The following PPP2R2D variants were observed in gnomAD, a reference collection of about 807,000 sequenced individuals.
PPP2R2D encodes the protein serine/threonine-protein phosphatase 2A 55 kDa regulatory subunit B delta isoform.
In PPP2R2D, 9 loss-of-function variants were observed where a neutral mutation model predicts 31.1. That is an observed-to-expected ratio of 0.29 (90% confidence interval 0.17 to 0.51). The LOEUF (loss-of-function observed/expected upper bound fraction) is 0.51, where lower values mean the gene tolerates loss of function less well. PPP2R2D is among the 20% of genes least tolerant of loss of function. The pLI is 0.98. For synonymous variants in PPP2R2D, 179 were observed against 172.6 expected (o/e 1.04, Z -0.29); for missense variants, 391 against 465.6 (o/e 0.84, Z 1.48).
intron 3 of PPP2R2D, among the ~76,000 whole-genome samples, chr10:131,937,181 A>T (rs542207845): frequency 6.6e-5 from 10 of 152,348 alleles, no homozygotes; most frequent in Admixed American, 5.9e-4. Context: ...TCAGGTCCAT[A>T]GAGGCCCGTT....
At chr10:131,966,368 AAAG>A in the PPP2R2D span, 12 of 152,230 alleles carry the variant, frequency 7.9e-5, no homozygotes, top group South Asian at 2.1e-4. Context: ...CCACTGTAGA[AAAG>A]AAGGGTTATT....
chr10:131,945,501 CCAGGCTGCGGTG>C lies in PPP2R2D; in HGVS notation c.820+46_820+57del, dbSNP rs782105927. 6.4e-7 allele frequency: 1 copy of C among 1,560,012 alleles called. No individual in the cohort carries two copies. The highest frequency in any genetic ancestry group is 8.7e-7 in the Non-Finnish European group (1 of 1,147,636). On this transcript the variant is annotated intron_variant, in intron 7 of 8. Coordinates refer to ENST00000455566, the MANE Select transcript of PPP2R2D (RefSeq NM_018461.5). The surrounding 1 kb of genome is among the most constrained non-coding windows in gnomAD (Gnocchi z 4.8). Reference sequence around the variant, plus strand: ...TTGAGATGGAGTCTGGCTCTGTCACCCAGGCTGCGGTGCAGTGACACAGTCTCGGCTCACGGC... The same window carrying C: ...TTGAGATGGAGTCTGGCTCTGTCACCCAGTGACACAGTCTCGGCTCACGGC...
At chr10:131,912,563 G>A (rs1195612051) in intron 2 of PPP2R2D, 2 of 152,248 alleles carry the variant, frequency 1.3e-5, no homozygotes, top group African/African-American at 2.4e-5. Context: ...AGCCATACTC[G>A]AGCTCATTTG....
At position 131,947,876 on chromosome 10, in the gene PPP2R2D, C is replaced by T. The variant is rs2036571125; in HGVS notation, c.1082+85C>T. 1 of 1,536,298 alleles carries T rather than the reference C, an allele frequency of 6.5e-7. No homozygotes were observed. The highest frequency in any genetic ancestry group is 8.9e-7 in the Non-Finnish European group (1 of 1,128,252). ...GTCAGTGAGGGAGGCGAGCTGTCCT[C>T]CAGCGTCAGAGGAGGACGCTCATAG... is the stretch of plus-strand genomic sequence containing the variant. On this transcript the variant is annotated intron_variant, in intron 8 of 8. Coordinates refer to ENST00000455566, the MANE Select transcript of PPP2R2D (RefSeq NM_018461.5). The surrounding 1 kb of genome is among the most constrained non-coding windows in gnomAD (Gnocchi z 4.3).
chr10:131,920,063 A>T (rs1429108222), intron 2 of PPP2R2D, among the ~76,000 whole-genome samples: 5 of 150,340 alleles, frequency 3.3e-5, no homozygotes, highest in African/African-American at 1.2e-4. Context: ...GGGTGGAATG[A>T]CACAGTGTTT....
In PPP2R2D at chr10:131,945,518, GAC is replaced by G. The variant is rs1221221713; in HGVS notation, c.820+63_820+64del. 12 of 1,539,322 alleles carry G rather than the reference GAC, an allele frequency of 7.8e-6. No homozygotes were observed. Among genetic ancestry groups the G allele is most frequent in the African/African-American group, 5.4e-5 (4 of 73,524 alleles). ...TCTGTCACCCAGGCTGCGGTGCAGTGACACAGTCTCGGCTCACGGCAAGCTCC... is the reference window on the plus strand; with the variant it reads ...TCTGTCACCCAGGCTGCGGTGCAGTGACAGTCTCGGCTCACGGCAAGCTCC... On this transcript the variant is annotated intron_variant, in intron 7 of 8. Transcript: ENST00000455566. This position sits in a 1 kb window ranked among gnomAD's most constrained non-coding sequence, Gnocchi z 4.8.
the PPP2R2D span, among the ~76,000 whole-genome samples, chr10:131,966,015 GTATT>G: frequency 2.0e-5 from 3 of 152,122 alleles, no homozygotes; most frequent in East Asian, 1.9e-4. Context: ...TAAATACTGC[GTATT>G]TAGTTATATC....
intron 6 of PPP2R2D, 68 bp downstream of exon 6, chr10:131,944,213 C>A: frequency 7.9e-7 from 1 of 1,272,546 alleles, no homozygotes; most frequent in Non-Finnish European, 1.1e-6. Flanking sequence ...TTCTCTCGTC[C>A]CTTTATACAC....
the PPP2R2D span, chr10:131,971,159 G>A: frequency 7.8e-5 from 47 of 598,740 alleles, no homozygotes; most frequent in Admixed American, 1.5e-4. Flanking sequence ...CCGCACTCCC[G>A]GCTCACAGCA....
chr10:131,971,151 G>A, the PPP2R2D span: 526 of 609,034 alleles, frequency 8.6e-4, 8 homozygotes, highest in South Asian at 9.9e-3. Flanking sequence ...GGGCCGCGCC[G>A]CACTCCCGGC....
At chr10:131,964,666 G>GTT (rs60096905), downstream of PPP2R2D, among the ~76,000 whole-genome samples, 934 of 133,768 alleles carry the variant, frequency 7.0e-3, 17 homozygotes, top group African/African-American at 0.017. Context: ...AGTTTACTAT[G>GTT]TTTTTTTTTT....
At chr10:131,966,947 C>T in the PPP2R2D span, 1 of 148,052 alleles carries the variant, frequency 6.8e-6, no homozygotes, top group Non-Finnish European at 1.5e-5. Context: ...GTGGCATGAT[C>T]TCCACTCACT....
intron 2 of PPP2R2D, among the ~76,000 whole-genome samples, chr10:131,905,174 C>T (rs2035562753): frequency 6.6e-6 from 1 of 152,146 alleles, no homozygotes; most frequent in African/African-American, 2.4e-5. Context: ...CTTGCATCTC[C>T]TCCCTTTGCT....
chr10:131,939,148 G>A (rs1356645845), intron 3 of PPP2R2D, among the ~76,000 whole-genome samples: 3 of 127,456 alleles, frequency 2.4e-5, no homozygotes, highest in East Asian at 4.9e-4. Context: ...CAGAAAACAC[G>A]GCAGGCTGCA....
At chr10:131,943,837 G>T in intron 5 of PPP2R2D, 131 bp from the exon 6 acceptor site, 2 of 609,386 alleles carry the variant, frequency 3.3e-6, no homozygotes, top group South Asian at 2.0e-5. Flanking sequence ...GGTTATTTGG[G>T]GGTATTGCCT....
chr10:131,930,456 T>C (rs2036201333), intron 2 of PPP2R2D, among the ~76,000 whole-genome samples: 1 of 152,278 alleles, frequency 6.6e-6, no homozygotes, highest in South Asian at 2.1e-4. Context: ...CTCGCAGCAG[T>C]TTCCTGAGAA....
chr10:131,942,223 A>G (rs1369498551), intron 5 of PPP2R2D, among the ~76,000 whole-genome samples: 1 of 152,158 alleles, frequency 6.6e-6, no homozygotes, highest in Non-Finnish European at 1.5e-5. Context: ...GCCACAACCC[A>G]TCAGCTCACG....
intron 2 of PPP2R2D, among the ~76,000 whole-genome samples, chr10:131,918,003 G>A (rs113470646): frequency 1.4e-5 from 2 of 146,250 alleles, no homozygotes; most frequent in Admixed American, 6.7e-5. Flanking sequence ...GGGACCTCAC[G>A]TGGGTGGAAT....
At chr10:131,941,118 CG>C (rs1554897172) in intron 5 of PPP2R2D, among the ~76,000 whole-genome samples, 2 of 152,110 alleles carry the variant, frequency 1.3e-5, no homozygotes, top group Non-Finnish European at 2.9e-5. Context: ...GGACGCTTCT[CG>C]GGGAATTTCT....
Sources: allele counts gnomAD v4.1 joint callset (sites outside exome capture counted in the v4.1 genomes callset), GRCh38; gene constraint gnomAD v4.1.1; non-coding constraint Gnocchi (gnomAD v3.1); transcripts MANE v1.5; gene names NCBI Gene and HGNC (gene_info 2026-07-23, HGNC 2026-07-21).